The following B4GALNT2 variants were observed in gnomAD, a reference collection of about 807,000 sequenced individuals.
The protein encoded by B4GALNT2 is beta-1,4-N-acetyl-galactosaminyltransferase 2 (SID blood group).
In B4GALNT2, 42 loss-of-function variants were observed where a neutral mutation model predicts 51.1. That is an observed-to-expected ratio of 0.82 (90% CI 0.64 to 1.06). The LOEUF is 1.06. Ranked by LOEUF, B4GALNT2 falls within the 50% of genes least tolerant of loss-of-function variation. The pLI, the probability that B4GALNT2 is intolerant of heterozygous loss-of-function variation, is 0.00. For missense variants in B4GALNT2, 602 were observed against 633.6 expected, an observed-to-expected ratio of 0.95 and a Z score of 0.54; for synonymous variants, 253 against 251.7, an observed-to-expected ratio of 1.01 and a Z score of -0.05.
At chr17:49,165,652 C>G (rs1028134360) in intron 8 of B4GALNT2, among the ~76,000 whole-genome samples, 4 of 146,668 alleles carry the variant, frequency 2.7e-5, no homozygotes, top group Non-Finnish European at 4.5e-5. Context: ...CCCCCCACCT[C>G]TCTCTCTCCT....
chr17:49,162,987 G>A (rs1021359352), intron 7 of B4GALNT2, among the ~76,000 whole-genome samples: 1 of 142,934 alleles, frequency 7.0e-6, no homozygotes, highest in Non-Finnish European at 1.5e-5. Context: ...CTGTCCAAAC[G>A]ACTTCTGATT....
chr17:49,160,379 G>A (rs1484942538), intron 6 of B4GALNT2, among the ~76,000 whole-genome samples, 176 bp from the exon 7 acceptor site: 1 of 152,070 alleles, frequency 6.6e-6, no homozygotes, highest in East Asian at 1.9e-4. Flanking sequence ...GTTGCCCCAG[G>A]GACACAGCAA....
At chr17:49,158,934 T>A (rs2042836299) in intron 5 of B4GALNT2, 103 bp from the exon 6 acceptor site, 1 of 1,354,934 alleles carries the variant, frequency 7.4e-7, no homozygotes, top group African/African-American at 1.4e-5. Flanking sequence ...CCCCTCACCC[T>A]TATGTGCTCT....
intron 6 of B4GALNT2, among the ~76,000 whole-genome samples, 182 bp from the exon 7 acceptor site, chr17:49,160,373 C>T (rs547055125): frequency 3.3e-4 from 50 of 152,254 alleles, no homozygotes; most frequent in Middle Eastern, 3.4e-3. Flanking sequence ...CAGCACGTTG[C>T]CCCAGGGACA....
chr17:49,139,265 G>A (rs1236170369), intron 1 of B4GALNT2, among the ~76,000 whole-genome samples: 4 of 151,562 alleles, frequency 2.6e-5, no homozygotes, highest in Admixed American at 1.3e-4. Flanking sequence ...TGGAGACAGA[G>A]TCTCCCTCTG....
At chr17:49,139,468 C>T (rs193169392) in intron 1 of B4GALNT2, among the ~76,000 whole-genome samples, 6 of 152,152 alleles carry the variant, frequency 3.9e-5, no homozygotes, top group Non-Finnish European at 7.4e-5. Flanking sequence ...TCAAGCGATC[C>T]GCCTGCCTCG....
intron 1 of B4GALNT2, among the ~76,000 whole-genome samples, chr17:49,140,829 C>T (rs2042636972): frequency 6.6e-6 from 1 of 151,300 alleles, no homozygotes; most frequent in Admixed American, 6.6e-5. Flanking sequence ...AGCGATTCTC[C>T]TGTCTCAGCC....
At chr17:49,144,900 C>T (rs2042678645) in intron 3 of B4GALNT2, among the ~76,000 whole-genome samples, 1 of 152,176 alleles carries the variant, frequency 6.6e-6, no homozygotes, top group South Asian at 2.1e-4. Context: ...ACTGAAGAAG[C>T]TGGAGTCCAA....
At chr17:49,155,857 G>A (rs984314461) in intron 4 of B4GALNT2, among the ~76,000 whole-genome samples, 6 of 151,498 alleles carry the variant, frequency 4.0e-5, no homozygotes, top group Non-Finnish European at 7.4e-5. Context: ...TGAGTAGCCG[G>A]GACTACAGGC....
Position 49,132,818 on chromosome 17 carries a change from CG to C in B4GALNT2, c.14+16del. On this transcript the variant is annotated intron_variant, in intron 1 of 10. Coordinates refer to ENST00000393354, the MANE Select transcript of B4GALNT2 (RefSeq NM_001159387.2). ...ATGACTTCGGGCGGGTGAGTGTCCC[CG>C]GGGCAGAGCAGAGCGAGAGGTGAAA... The C allele has an allele frequency of 2.9e-6, 4 of 1,369,924 alleles. No homozygotes were observed. The highest frequency in any genetic ancestry group is 3.8e-6 in the Non-Finnish European group (4 of 1,059,214). The allele number at this position is 1,369,924 out of a possible 1,614,324, so 84.9% of individuals were successfully genotyped here. A position where few individuals can be genotyped will look rare whatever the true frequency, so the allele number is the denominator to read the frequency against.
chr17:49,126,474 A>G, the B4GALNT2 span, among the ~76,000 whole-genome samples: 1 of 148,264 alleles, frequency 6.7e-6, no homozygotes, highest in Non-Finnish European at 1.5e-5. Flanking sequence ...CCCCTCTGTG[A>G]GAAACACCCA....
At chr17:49,141,184 C>T (rs2042640251) in intron 1 of B4GALNT2, 63 bp from the exon 2 acceptor site, 4 of 1,467,842 alleles carry the variant, frequency 2.7e-6, no homozygotes, top group South Asian at 2.3e-5. Flanking sequence ...TTATCAGTCT[C>T]ATATACATTA....
intron 5 of B4GALNT2, among the ~76,000 whole-genome samples, chr17:49,158,831 G>A (rs538069169): frequency 1.3e-5 from 2 of 151,994 alleles, no homozygotes; most frequent in Admixed American, 6.6e-5. Flanking sequence ...CATCCTTGGG[G>A]CCCTAGGACT....
intron 8 of B4GALNT2, among the ~76,000 whole-genome samples, chr17:49,165,164 G>A (rs1162261329): frequency 2.0e-5 from 3 of 151,994 alleles, no homozygotes; most frequent in African/African-American, 4.8e-5. Flanking sequence ...CCTTATAAGC[G>A]ACTTGAGGTC....
At chr17:49,126,114 A>G in the B4GALNT2 span, among the ~76,000 whole-genome samples, 1 of 152,120 alleles carries the variant, frequency 6.6e-6, no homozygotes. Context: ...TCTGTGTAGA[A>G]AGAAGTAGAC....
rs758644590 is a variant in B4GALNT2 at position 49,160,639 on chromosome 17, C to T, written c.764C>T (p.Pro255Leu). ...PVIPKLYDPG[P>L]ERKLRNLVTI... ...ATACCCAAGCTATACGACCCTGGAC[C>T]AGGTAAGGCCCTTGTCCTTGGGGCT... Residue 255 changes from proline (P) to leucine (L), a missense_variant and splice_region_variant, in exon 7 of 11, where the codon CCA becomes CTA. Physicochemically the swap from Pro to Leu is moderately conservative, Grantham distance 98. Coordinates refer to ENST00000393354, the MANE Select transcript of B4GALNT2 (RefSeq NM_001159387.2). 20 of 1,613,436 alleles carry T rather than the reference C, an allele frequency of 1.2e-5. No individual in the cohort carries two copies. Among genetic ancestry groups the T allele is most frequent in the Non-Finnish European group, 1.7e-5 (20 of 1,179,560 alleles).
At chr17:49,132,849 G>C (rs2042551755) in intron 1 of B4GALNT2, 43 bp downstream of exon 1, 5 of 1,370,644 alleles carry the variant, frequency 3.6e-6, no homozygotes, top group Non-Finnish European at 9.4e-7. Flanking sequence ...GTGAAACTTC[G>C]GGAGCAGGGA....
intron 3 of B4GALNT2, among the ~76,000 whole-genome samples, chr17:49,143,110 A>T (rs776398841): frequency 6.6e-6 from 1 of 152,038 alleles, no homozygotes; most frequent in Non-Finnish European, 1.5e-5. Context: ...TTAGCTAGGC[A>T]TGGTGACGCA....
chr17:49,173,081 G>C lies in B4GALNT2; in HGVS notation c.*3353G>C, dbSNP rs1305217953. On this transcript the variant is annotated 3_prime_UTR_variant, in exon 11 of 11. Coordinates refer to ENST00000393354, the MANE Select transcript of B4GALNT2 (RefSeq NM_001159387.2). Reference sequence around the variant, plus strand: ...GTGAAAGTGTCTAGCGTTAGATATTGCATTAGCAACTAGGTGATCAGCCAT... The same window carrying C: ...GTGAAAGTGTCTAGCGTTAGATATTCCATTAGCAACTAGGTGATCAGCCAT... The C allele has an allele frequency of 6.6e-6, 1 of 152,238 alleles. No homozygotes were observed. The highest frequency in any genetic ancestry group is 1.5e-5 in the Non-Finnish European group (1 of 68,048). 9.4% of individuals were successfully genotyped at this position (152,238 alleles called of 1,614,324 possible). A position where few individuals can be genotyped will look rare whatever the true frequency, so the allele number is the denominator to read the frequency against.
Sources: allele counts gnomAD v4.1 joint callset (sites outside exome capture counted in the v4.1 genomes callset), GRCh38; gene constraint gnomAD v4.1.1; transcripts MANE v1.5; gene names NCBI Gene and HGNC (gene_info 2026-07-23, HGNC 2026-07-21).